The following ZNF536 variants were observed in gnomAD, a reference collection of about 807,000 sequenced individuals.
ZNF536 encodes the protein zinc finger protein 536.
In ZNF536, 13 loss-of-function variants were observed where a neutral mutation model predicts 84.5. The ratio of observed to expected loss-of-function variants is 0.15; its 90% CI spans 0.10 to 0.24. The LOEUF (loss-of-function observed/expected upper bound fraction) is 0.24. Among genes scored for constraint, ZNF536 ranks in the 10% least tolerant of loss-of-function variants. The pLI is 1.00. For missense variants in ZNF536, 1,536 were observed against 1,747.5 expected (o/e 0.88, Z 2.16); for synonymous variants, 811 against 742.5 (o/e 1.09, Z -1.50).
chr19:30,310,905 C>A (rs1390219695), intron 2 of ZNF536, among the ~76,000 whole-genome samples: 1 of 152,206 alleles, frequency 6.6e-6, no homozygotes, highest in East Asian at 1.9e-4. Flanking sequence ...CTTTGTAAAA[C>A]CCATTCCTCA....
intron 1 of ZNF536, among the ~76,000 whole-genome samples, chr19:30,597,961 T>C (rs2047527245): frequency 6.6e-6 from 1 of 152,200 alleles, no homozygotes; most frequent in African/African-American, 2.4e-5. Context: ...GTTGTATGCA[T>C]GTTATTGTTG....
At chr19:30,402,918 A>T (rs1262847370) in intron 1 of ZNF536, among the ~76,000 whole-genome samples, 1 of 151,326 alleles carries the variant, frequency 6.6e-6, no homozygotes, top group Admixed American at 6.6e-5. Flanking sequence ...ATTTGCAGAG[A>T]CAAAGGCTTT....
chr19:30,582,665 C>G (rs2046963513), intron 1 of ZNF536, among the ~76,000 whole-genome samples: 1 of 152,110 alleles, frequency 6.6e-6, no homozygotes, highest in African/African-American at 2.4e-5. Context: ...AATGGACTCA[C>G]AGTTCTTTGT....
intron 2 of ZNF536, among the ~76,000 whole-genome samples, chr19:30,331,033 G>A (rs2047193912): frequency 6.6e-6 from 1 of 152,094 alleles, no homozygotes. Flanking sequence ...TGTAATCCCA[G>A]CAATTTGGGA....
chr19:30,520,404 A>G (rs1249503560), intron 2 of ZNF536, among the ~76,000 whole-genome samples: 11 of 152,106 alleles, frequency 7.2e-5, no homozygotes, highest in Non-Finnish European at 1.3e-4. Context: ...TGAGAGACCA[A>G]TGGGATGCTG....
chr19:30,264,662 C>T (rs1231491431), intron 1 of ZNF536, among the ~76,000 whole-genome samples: 2 of 152,050 alleles, frequency 1.3e-5, no homozygotes, highest in Non-Finnish European at 2.9e-5. Flanking sequence ...GACAGACACA[C>T]ACACACCCAC....
chr19:30,594,675 G>A (rs1440592405), intron 1 of ZNF536, among the ~76,000 whole-genome samples: 1 of 151,976 alleles, frequency 6.6e-6, no homozygotes, highest in Non-Finnish European at 1.5e-5. Flanking sequence ...CCTGGGTGAG[G>A]GGTCCTGCTC....
chr19:30,456,844 C>A (rs1248297283), intron 2 of ZNF536, among the ~76,000 whole-genome samples: 1 of 152,024 alleles, frequency 6.6e-6, no homozygotes, highest in South Asian at 2.1e-4. Flanking sequence ...GAGTTCGAGA[C>A]CAGCCTGGCC....
At chr19:30,393,569 C>T (rs1406702164) in intron 1 of ZNF536, among the ~76,000 whole-genome samples, 2 of 152,150 alleles carry the variant, frequency 1.3e-5, no homozygotes, top group Admixed American at 6.5e-5. Context: ...CTGGAGCTCA[C>T]GGAGCCTCTG....
intron 3 of ZNF536, among the ~76,000 whole-genome samples, chr19:30,364,673 G>A (rs893175921): frequency 6.6e-6 from 1 of 152,194 alleles, no homozygotes; most frequent in Non-Finnish European, 1.5e-5. Context: ...CCTGCACAGG[G>A]TGCATTGCAG....
At chr19:30,680,178 C>T (rs2147812725) in intron 1 of ZNF536, among the ~76,000 whole-genome samples, 1 of 152,298 alleles carries the variant, frequency 6.6e-6, no homozygotes, top group East Asian at 1.9e-4. Flanking sequence ...GCAGGGGCCC[C>T]ATGCACAGAC....
chr19:30,299,411 A>C (rs987337790), intron 2 of ZNF536, among the ~76,000 whole-genome samples: 6 of 152,226 alleles, frequency 3.9e-5, no homozygotes, highest in Admixed American at 1.3e-4. Flanking sequence ...TCTTTGATGC[A>C]ATGAATGTGT....
intron 2 of ZNF536, among the ~76,000 whole-genome samples, chr19:30,476,901 C>T (rs891746667): frequency 6.6e-6 from 1 of 152,254 alleles, no homozygotes; most frequent in African/African-American, 2.4e-5. Flanking sequence ...TGTCACTCCT[C>T]AGAATGCTCC....
intron 1 of ZNF536, among the ~76,000 whole-genome samples, chr19:30,280,555 C>G (rs1321494500): frequency 1.3e-5 from 2 of 152,238 alleles, no homozygotes; most frequent in Admixed American, 6.5e-5. Flanking sequence ...TTGCTGCTCT[C>G]ATATCCTCCA....
intron 2 of ZNF536, among the ~76,000 whole-genome samples, chr19:30,527,739 A>T (rs980834063): frequency 6.6e-6 from 1 of 152,164 alleles, no homozygotes; most frequent in Non-Finnish European, 1.5e-5. Context: ...GCCAGTTGTG[A>T]TTGCTTTATT....
At chr19:30,603,954 G>T (rs1165893798) in intron 1 of ZNF536, among the ~76,000 whole-genome samples, 1 of 152,174 alleles carries the variant, frequency 6.6e-6, no homozygotes, top group African/African-American at 2.4e-5. Flanking sequence ...GCCAGGCGTG[G>T]TGGCACACAT....
chr19:30,370,250 T>C (rs974581788), upstream of ZNF536, among the ~76,000 whole-genome samples: 2 of 152,202 alleles, frequency 1.3e-5, no homozygotes, highest in Non-Finnish European at 2.9e-5. Flanking sequence ...TGCTATACTT[T>C]TTAGGGGAGA....
At chr19:30,710,257 C>A (rs73032839) in intron 1 of ZNF536, among the ~76,000 whole-genome samples, 24,280 of 152,142 alleles carry the variant, frequency 0.16, 2,309 homozygotes, top group Middle Eastern at 0.24. Context: ...AAAACTCTAG[C>A]TAGAGCCTGG....
At chr19:30,487,047 C>G (rs976815534) in intron 2 of ZNF536, among the ~76,000 whole-genome samples, 17 of 152,198 alleles carry the variant, frequency 1.1e-4, no homozygotes, top group African/African-American at 4.1e-4. Context: ...GCCAGGGATA[C>G]AGGGAGCCAG....
Sources: allele counts gnomAD v4.1 joint callset (sites outside exome capture counted in the v4.1 genomes callset), GRCh38; gene constraint gnomAD v4.1.1; transcripts MANE v1.5; gene names NCBI Gene and HGNC (gene_info 2026-07-23, HGNC 2026-07-21).